The following CC2D2B variants were observed in gnomAD, a reference collection of about 807,000 sequenced individuals.
CC2D2B encodes the protein protein CC2D2B.
Under a neutral mutation model 161.2 loss-of-function variants are expected in CC2D2B, and 128 were observed. The observed-to-expected ratio is 0.79, with a 90% CI of 0.69 to 0.92. The LOEUF is 0.92. CC2D2B is among the 40% of genes least tolerant of loss of function. The pLI is 0.00. For synonymous variants in CC2D2B, 391 were observed against 449.8 expected, an observed-to-expected ratio of 0.87 and a Z score of 1.65; for missense variants, 1,173 against 1,375.1, an observed-to-expected ratio of 0.85 and a Z score of 2.32.
chr10:96,014,535 C>T (rs989282092), intron 29 of CC2D2B, among the ~76,000 whole-genome samples: 1 of 152,150 alleles, frequency 6.6e-6, no homozygotes, highest in Admixed American at 6.5e-5. Context: ...ATTATTTTCT[C>T]TCACCTAACA....
intron 12 of CC2D2B, 67 bp from the exon 13 acceptor site, chr10:95,965,829 A>T: frequency 2.1e-6 from 1 of 466,894 alleles, no homozygotes; most frequent in Non-Finnish European, 3.3e-6. Context: ...GTGTTGGCAA[A>T]ATCTCGAACA....
chr10:96,009,802 TA>T, intron 25 of CC2D2B, 22 bp from the exon 26 acceptor site: 1 of 1,181,534 alleles, frequency 8.5e-7, no homozygotes, highest in South Asian at 1.6e-5. Flanking sequence ...AAGTAAGTAA[TA>T]AAAAATTATT....
At chr10:96,023,623 G>A (rs2079562498) in intron 32 of CC2D2B, among the ~76,000 whole-genome samples, 1 of 152,196 alleles carries the variant, frequency 6.6e-6, no homozygotes, top group Non-Finnish European at 1.5e-5. Flanking sequence ...CACCTATCCT[G>A]TGTGAGATAG....
intron 5 of CC2D2B, among the ~76,000 whole-genome samples, chr10:95,926,371 G>T (rs2098538456): frequency 1.3e-5 from 2 of 152,078 alleles, no homozygotes; most frequent in Non-Finnish European, 1.5e-5. Flanking sequence ...GTGATGGGGG[G>T]TAAAAGTATA....
chr10:95,917,989 C>T (rs561281188), intron 2 of CC2D2B, among the ~76,000 whole-genome samples: 24 of 152,162 alleles, frequency 1.6e-4, no homozygotes, highest in Non-Finnish European at 3.4e-4. Context: ...ATTGGTCAGG[C>T]GGATCTTGAA....
intron 30 of CC2D2B, 68 bp downstream of exon 30, chr10:96,016,382 A>G (rs1203362851): frequency 6.6e-6 from 7 of 1,068,444 alleles, no homozygotes; most frequent in Non-Finnish European, 8.7e-6. Context: ...GCAAGTTTAG[A>G]AGACTTCAAA....
intron 6 of CC2D2B, among the ~76,000 whole-genome samples, chr10:95,935,151 G>A (rs775860768): frequency 1.1e-4 from 17 of 152,180 alleles, no homozygotes; most frequent in Admixed American, 5.9e-4. Flanking sequence ...GATTACAGGC[G>A]TGAGCCACCA....
At chr10:96,006,331 A>G (rs2078747528) in intron 25 of CC2D2B, among the ~76,000 whole-genome samples, 3 of 148,258 alleles carry the variant, frequency 2.0e-5, no homozygotes, top group Non-Finnish European at 4.5e-5. Context: ...TATATATGTA[A>G]TATATATTAT....
At chr10:96,010,095 T>C (rs2078921329) in intron 26 of CC2D2B, among the ~76,000 whole-genome samples, 172 bp downstream of exon 26, 1 of 152,204 alleles carries the variant, frequency 6.6e-6, no homozygotes, top group South Asian at 2.1e-4. Context: ...GAACTGTCTC[T>C]GGAGAGTTCT....
At chr10:95,992,028 A>G (rs1029035475) in intron 21 of CC2D2B, among the ~76,000 whole-genome samples, 38 of 152,154 alleles carry the variant, frequency 2.5e-4, no homozygotes, top group Non-Finnish European at 7.4e-5. Flanking sequence ...AAGGTTTTCA[A>G]CGGGTTTAGG....
chr10:95,984,409 T>C (rs2077637683), intron 19 of CC2D2B, among the ~76,000 whole-genome samples: 2 of 152,198 alleles, frequency 1.3e-5, no homozygotes, highest in South Asian at 4.1e-4. Flanking sequence ...TGTAGAAGCA[T>C]GTCCTTAGTC....
Position 95,992,559 on chromosome 10 carries a change from A to G in CC2D2B, c.2504A>G (p.Glu835Gly), listed in dbSNP as rs964852030. The change falls in exon 22 of 35, where the codon GAA becomes GGA. Residue 835 changes from glutamate to glycine, a missense_variant. Coordinates refer to ENST00000646931, the MANE Select transcript of CC2D2B (RefSeq NM_001349008.3). ...QLTDAVCKFV[E>G]PRRKLKPQRK... Reference sequence around the variant, plus strand: ...ACAGATGCAGTTTGTAAGTTTGTTGAACCACGGAGAAAGTTAAAACCTCAG... The same window carrying G: ...ACAGATGCAGTTTGTAAGTTTGTTGGACCACGGAGAAAGTTAAAACCTCAG... The G allele has an allele frequency of 5.6e-5, 69 of 1,234,152 alleles. No homozygotes were observed. The highest frequency in any genetic ancestry group is 6.6e-5 in the Non-Finnish European group (65 of 988,086). The allele number at this position is 1,234,152 out of a possible 1,614,324, so 76.5% of individuals were successfully genotyped here.
At chr10:95,976,277 C>G (rs1049482406) in intron 17 of CC2D2B, among the ~76,000 whole-genome samples, 15 of 152,198 alleles carry the variant, frequency 9.9e-5, no homozygotes, top group Non-Finnish European at 2.2e-4. Flanking sequence ...CCATTCCCTT[C>G]CTAATCCTAC....
In CC2D2B at chr10:96,004,148, G is replaced by A; in HGVS notation, c.2850-4G>A. 6.6e-7 allele frequency: 1 copy of A among 1,506,958 alleles called. No homozygotes were observed. The highest frequency in any genetic ancestry group is 8.9e-7 in the Non-Finnish European group (1 of 1,121,452). The allele number at this position is 1,506,958 out of a possible 1,614,324, so 93.3% of individuals were successfully genotyped here. A position where few individuals can be genotyped will look rare whatever the true frequency, so the allele number is the denominator to read the frequency against. ...GCATTTGAATATATTTTTCTTATTTGCAGCTCACCAGGACATGATTATAGC... is the reference window on the plus strand; with the variant it reads ...GCATTTGAATATATTTTTCTTATTTACAGCTCACCAGGACATGATTATAGC... On this transcript the variant is annotated splice_polypyrimidine_tract_variant and splice_region_variant and intron_variant, in intron 24 of 34. Transcript: ENST00000646931.
rs1215369715 is a variant in CC2D2B, at chr10:95,938,027, C to G, written c.373C>G (p.Leu125Val). The part of the protein sequence containing the change: ...VNRSYPKCFS[L>V]GVNLQNVAES... ...CCGTAGTTATCCCAAATGCTTTTCA[C>G]TTGGTGTTAATTTACAAAATGTTGC... The change falls in exon 7 of 35, where the codon CTT becomes GTT. Residue 125 changes from leucine (L) to valine (V), a missense_variant. Leu to Val is a conservative substitution (Grantham distance 32). Around this residue, in one of 3 missense-constraint regions of CC2D2B, gnomAD observed 298 missense variants for 261.2 expected, o/e 1.14. Coordinates refer to ENST00000646931, the MANE Select transcript of CC2D2B (RefSeq NM_001349008.3). 6.4e-7 allele frequency: 1 copy of G among 1,550,688 alleles called. No homozygotes were observed. The highest frequency in any genetic ancestry group is 1.4e-5 in the African/African-American group (1 of 73,108).
At chr10:95,934,176 C>A (rs1324071654) in intron 6 of CC2D2B, among the ~76,000 whole-genome samples, 1 of 152,178 alleles carries the variant, frequency 6.6e-6, no homozygotes, top group Non-Finnish European at 1.5e-5. Flanking sequence ...TTTGTTTACA[C>A]TGTAAGGGGA....
At chr10:96,026,152 A>AGTAG (rs1350762188) in intron 33 of CC2D2B, among the ~76,000 whole-genome samples, 1 of 152,154 alleles carries the variant, frequency 6.6e-6, no homozygotes, top group Admixed American at 6.5e-5. Context: ...ACTTAGTTGC[A>AGTAG]CTATAAACTC....
chr10:96,008,087 C>A (rs1246733283), intron 25 of CC2D2B, among the ~76,000 whole-genome samples: 1 of 151,914 alleles, frequency 6.6e-6, no homozygotes, highest in Non-Finnish European at 1.5e-5. Context: ...ACCTCCTGCC[C>A]ACAACCAGTG....
At chr10:95,936,265 C>G (rs11598000) in intron 6 of CC2D2B, among the ~76,000 whole-genome samples, 1 of 152,164 alleles carries the variant, frequency 6.6e-6, no homozygotes, top group African/African-American at 2.4e-5. Context: ...TTTGGAAAAG[C>G]TATCTGCCCT....
Sources: gnomAD v4.1 joint callset for allele counts (sites outside exome capture counted in the v4.1 genomes callset) on GRCh38, gnomAD v4.1.1 for gene constraint, gnomAD v4.1.1 regional missense constraint, MANE v1.5 for transcripts, NCBI Gene and HGNC (gene_info 2026-07-23, HGNC 2026-07-21) for gene names.